ANKRD44: variants seen among roughly 807,000 people sequenced by gnomAD.
ANKRD44 encodes the protein ankyrin repeat domain 44.
A neutral mutation model predicts 116.0 loss-of-function variants in ANKRD44; 35 were observed. The ratio of observed to expected loss-of-function variants is 0.30; its 90% CI spans 0.23 to 0.40. The LOEUF (loss-of-function observed/expected upper bound fraction) is 0.40, where lower values mean the gene tolerates loss of function less well. ANKRD44 is among the 10% of genes least tolerant of loss of function. ANKRD44 has a pLI of 1.00. For synonymous variants in ANKRD44, 435 were observed against 461.8 expected (o/e 0.94, Z 0.74); for missense variants, 1,014 against 1,242.6 (o/e 0.82, Z 2.77).
chr2:197,028,817 T>C (rs2076647900), intron 16 of ANKRD44: 2 of 215,192 alleles, frequency 9.3e-6, no homozygotes, highest in South Asian at 1.4e-4. Flanking sequence ...AGAGGTTTCC[T>C]CTGCTTCTTA....
At chr2:197,275,570 G>C (rs1178223360) in intron 1 of ANKRD44, among the ~76,000 whole-genome samples, 1 of 152,110 alleles carries the variant, frequency 6.6e-6, no homozygotes, top group Non-Finnish European at 1.5e-5. Flanking sequence ...ACCATGTTGG[G>C]GGGGTGGGCA....
intron 16 of ANKRD44, among the ~76,000 whole-genome samples, chr2:197,064,060 G>A (rs2077378643): frequency 1.3e-5 from 2 of 152,198 alleles, no homozygotes; most frequent in Admixed American, 1.3e-4. Context: ...AGAAACGTCG[G>A]GTTACCCTCA....
intron 21 of ANKRD44, among the ~76,000 whole-genome samples, chr2:196,975,496 A>G (rs2075749910): frequency 6.6e-6 from 1 of 152,176 alleles, no homozygotes; most frequent in Admixed American, 6.5e-5. Flanking sequence ...AAAATACGTC[A>G]AAAGGGGCTG....
chr2:197,299,748 G>A (rs116199489), intron 1 of ANKRD44, among the ~76,000 whole-genome samples: 5 of 152,068 alleles, frequency 3.3e-5, no homozygotes, highest in Non-Finnish European at 7.4e-5. Flanking sequence ...GGTGACAGGT[G>A]CACCAAAATC....
intron 1 of ANKRD44, among the ~76,000 whole-genome samples, chr2:197,295,531 A>C (rs1019029556): frequency 2.6e-5 from 4 of 152,358 alleles, no homozygotes; most frequent in South Asian, 4.1e-4. Flanking sequence ...CGGGCCATTT[A>C]AAGCAGGCAG....
intron 1 of ANKRD44, among the ~76,000 whole-genome samples, chr2:197,251,145 T>A (rs929497820): frequency 6.6e-6 from 1 of 152,254 alleles, no homozygotes; most frequent in African/African-American, 2.4e-5. Context: ...AGGTCTTTTA[T>A]GTATTTTATT....
intron 2 of ANKRD44, among the ~76,000 whole-genome samples, chr2:197,181,807 T>G (rs527509852): frequency 6.6e-6 from 1 of 152,364 alleles, no homozygotes; most frequent in East Asian, 1.9e-4. Context: ...CATCTTATTT[T>G]CTATAGCTTA....
At chr2:197,024,690 T>C (rs2076558113) in intron 17 of ANKRD44, among the ~76,000 whole-genome samples, 3 of 152,198 alleles carry the variant, frequency 2.0e-5, no homozygotes, top group Non-Finnish European at 4.4e-5. Flanking sequence ...TCAGACTTCG[T>C]TGAAGACCCT....
intron 2 of ANKRD44, among the ~76,000 whole-genome samples, chr2:197,156,586 G>C (rs2079821309): frequency 6.6e-6 from 1 of 152,160 alleles, no homozygotes; most frequent in South Asian, 2.1e-4. Flanking sequence ...TATAAGCTAG[G>C]TATCGTACCC....
intron 1 of ANKRD44, among the ~76,000 whole-genome samples, chr2:197,274,647 T>A (rs1339922230): frequency 6.6e-6 from 1 of 152,212 alleles, no homozygotes; most frequent in Non-Finnish European, 1.5e-5. Flanking sequence ...CCTTCCTACA[T>A]GTTGGTCCCT....
chr2:197,202,321 C>T (rs531218292), intron 1 of ANKRD44, among the ~76,000 whole-genome samples: 1 of 152,118 alleles, frequency 6.6e-6, no homozygotes, highest in East Asian at 1.9e-4. Flanking sequence ...CAGGCAGAAA[C>T]CTCTGTTTTC....
intron 1 of ANKRD44, among the ~76,000 whole-genome samples, chr2:197,299,771 A>G (rs1559232148): frequency 6.6e-6 from 1 of 152,216 alleles, no homozygotes; most frequent in East Asian, 1.9e-4. Context: ...AGAAATCACC[A>G]CTAAAGAACT....
intron 10 of ANKRD44, among the ~76,000 whole-genome samples, chr2:197,091,323 T>C (rs1346278018): frequency 2.6e-5 from 4 of 152,210 alleles, no homozygotes; most frequent in Admixed American, 2.0e-4. Flanking sequence ...AGGCGTTCCT[T>C]CCAGCAAGGA....
At chr2:197,209,300 T>C (rs1463520417) in intron 1 of ANKRD44, among the ~76,000 whole-genome samples, 1 of 152,204 alleles carries the variant, frequency 6.6e-6, no homozygotes, top group Non-Finnish European at 1.5e-5. Flanking sequence ...CAAGTTTTAG[T>C]TGGCATCCTG....
chr2:197,005,630 C>G, intron 21 of ANKRD44, 64 bp downstream of exon 21: 1 of 1,481,866 alleles, frequency 6.7e-7, no homozygotes, highest in Non-Finnish European at 9.4e-7. Flanking sequence ...CTCACCTCCA[C>G]TGAGCTCACA....
intron 2 of ANKRD44, among the ~76,000 whole-genome samples, chr2:197,155,904 A>G (rs1463594692): frequency 1.3e-5 from 2 of 152,358 alleles, no homozygotes; most frequent in Admixed American, 1.3e-4. Flanking sequence ...ACATATTTGT[A>G]AAGCATATAT....
At chr2:196,998,744 GGAACT>G (rs1187439750) in intron 24 of ANKRD44, among the ~76,000 whole-genome samples, 158 bp downstream of exon 24, 1 of 152,126 alleles carries the variant, frequency 6.6e-6, no homozygotes, top group Non-Finnish European at 1.5e-5. Flanking sequence ...CAAAAAACAG[GGAACT>G]GAAAGACGCT....
At chr2:197,249,906 G>A (rs1034438623) in intron 1 of ANKRD44, among the ~76,000 whole-genome samples, 16 of 152,328 alleles carry the variant, frequency 1.1e-4, no homozygotes, top group South Asian at 4.1e-4. Flanking sequence ...TAATAGAAGA[G>A]TGCTGACTTA....
At chr2:197,044,708 T>C (rs915537451) in intron 16 of ANKRD44, among the ~76,000 whole-genome samples, 4 of 152,178 alleles carry the variant, frequency 2.6e-5, no homozygotes, top group Admixed American at 2.0e-4. Flanking sequence ...ATGATCTCGA[T>C]GAATGCCCTT....
Sources: allele counts gnomAD v4.1 joint callset (sites outside exome capture counted in the v4.1 genomes callset), GRCh38; gene constraint gnomAD v4.1.1; transcripts MANE v1.5; gene names NCBI Gene and HGNC (gene_info 2026-07-23, HGNC 2026-07-21).